The following VEGFC variants were observed in gnomAD, a reference collection of about 807,000 sequenced individuals.
VEGFC encodes FLT4 ligand DHM.
Under a neutral mutation model 46.1 loss-of-function variants are expected in VEGFC, and 12 were observed. The observed-to-expected ratio is 0.26, with a 90% CI of 0.17 to 0.42. VEGFC has a LOEUF of 0.42. Ranked by LOEUF, VEGFC falls within the 10% of genes least tolerant of loss-of-function variation. The pLI, the probability that VEGFC is intolerant of heterozygous loss-of-function variation, is 1.00. For missense variants in VEGFC, 488 were observed against 529.4 expected (o/e 0.92, Z 0.77); for synonymous variants, 232 against 195.5 (o/e 1.19, Z -1.56).
intron 1 of VEGFC, among the ~76,000 whole-genome samples, chr4:176,780,006 T>C (rs1579140174): frequency 6.6e-6 from 1 of 152,176 alleles, no homozygotes; most frequent in Non-Finnish European, 1.5e-5. Context: ...CTCTTAAACA[T>C]GTACATCTTT....
intron 1 of VEGFC, among the ~76,000 whole-genome samples, chr4:176,746,940 G>A (rs1156691426): frequency 2.6e-5 from 4 of 152,122 alleles, no homozygotes; most frequent in Non-Finnish European, 4.4e-5. Context: ...CATTGCTTGA[G>A]TGCTTCGATA....
At chr4:176,791,046 T>G (rs988961395) in intron 1 of VEGFC, among the ~76,000 whole-genome samples, 1 of 152,176 alleles carries the variant, frequency 6.6e-6, no homozygotes, top group Non-Finnish European at 1.5e-5. Flanking sequence ...AAAATTAGTC[T>G]TCTCAATCTT....
In VEGFC at chr4:176,727,805, G is replaced by A. The variant is rs1411084619; in HGVS notation, c.525C>T (p.Asn175=). The change falls in exon 3 of 7, where the codon AAC becomes AAT. Residue 175 remains asparagine, a synonymous_variant. Transcript: ENST00000618562. ...CCNSEGLQCM[N]TSTSYLSKTL... ...TCTTGCTGAGGTAGCTCGTGCTGGT[G>A]TTCATGCACTGCAGCCCCTCACTAT... 1.9e-6 allele frequency: 3 copies of A among 1,613,642 alleles called. No homozygotes were observed. In the Admixed American group the frequency reaches 5.0e-5, roughly 27 times the overall value.
At chr4:176,772,102 A>G (rs1735733882) in intron 1 of VEGFC, among the ~76,000 whole-genome samples, 1 of 152,210 alleles carries the variant, frequency 6.6e-6, no homozygotes, top group South Asian at 2.1e-4. Context: ...CAAAATTTGA[A>G]TATTTCCTGT....
chr4:176,779,747 A>T (rs1735876274), intron 1 of VEGFC, among the ~76,000 whole-genome samples: 1 of 152,218 alleles, frequency 6.6e-6, no homozygotes, highest in African/African-American at 2.4e-5. Flanking sequence ...ATAGGAAAAA[A>T]AAAAAGATAA....
chr4:176,748,003 T>G (rs1735284699), intron 1 of VEGFC, among the ~76,000 whole-genome samples: 1 of 151,940 alleles, frequency 6.6e-6, no homozygotes, highest in Non-Finnish European at 1.5e-5. Flanking sequence ...AACAAATTTT[T>G]AGAACAATTC....
At chr4:176,703,531 T>C (rs1397436220) in intron 4 of VEGFC, among the ~76,000 whole-genome samples, 2 of 152,112 alleles carry the variant, frequency 1.3e-5, no homozygotes, top group East Asian at 3.9e-4. Flanking sequence ...AAAGTACAGT[T>C]ATATAGAAGA....
Position 176,684,045 on chromosome 4 carries a change from G to A in VEGFC, c.1146-5C>T. The A allele has an allele frequency of 6.2e-7, 1 of 1,609,210 alleles. No homozygotes were observed. Among genetic ancestry groups the A allele is most frequent in the Middle Eastern group, 1.7e-4 (1 of 6,058 alleles). ...GTACATGGCCGTCTGTAACAGCTAG[G>A]AGAACAAACAAGAACACACTTACGT... On this transcript the variant is annotated splice_polypyrimidine_tract_variant and splice_region_variant and intron_variant, in intron 6 of 6. Transcript: ENST00000618562.
chr4:176,715,394 A>G (rs112453032), intron 3 of VEGFC, among the ~76,000 whole-genome samples: 3,674 of 152,246 alleles, frequency 0.024, 65 homozygotes, highest in Middle Eastern at 0.078. Flanking sequence ...TTAAAAGTAG[A>G]AAGAGTCTTG....
chr4:176,778,420 T>A (rs2110939925), intron 1 of VEGFC, among the ~76,000 whole-genome samples: 1 of 151,588 alleles, frequency 6.6e-6, no homozygotes, highest in South Asian at 2.1e-4. Context: ...AAATAGGAGC[T>A]TTTTCTAGTA....
At chr4:176,711,085 T>C (rs908720350) in intron 4 of VEGFC, among the ~76,000 whole-genome samples, 1 of 152,166 alleles carries the variant, frequency 6.6e-6, no homozygotes, top group South Asian at 2.1e-4. Context: ...AACTGAATGC[T>C]AATAGATATA....
At chr4:176,697,635 G>A (rs1298650228) in intron 4 of VEGFC, among the ~76,000 whole-genome samples, 1 of 151,474 alleles carries the variant, frequency 6.6e-6, no homozygotes, top group Non-Finnish European at 1.5e-5. Context: ...CCATTACTGG[G>A]TATATACCCA....
intron 1 of VEGFC, among the ~76,000 whole-genome samples, chr4:176,788,610 T>G (rs1018970749): frequency 2.0e-5 from 3 of 152,210 alleles, no homozygotes; most frequent in Admixed American, 2.0e-4. Flanking sequence ...CACGATCACA[T>G]GGCTGACTGG....
At chr4:176,714,942 T>C (rs913668250) in intron 3 of VEGFC, among the ~76,000 whole-genome samples, 6 of 152,174 alleles carry the variant, frequency 3.9e-5, no homozygotes, top group African/African-American at 1.4e-4. Flanking sequence ...CTGCAAGAAA[T>C]GTGTTTTTGA....
chr4:176,763,355 GA>G (rs932951517), intron 1 of VEGFC, among the ~76,000 whole-genome samples: 11 of 69,126 alleles, frequency 1.6e-4, no homozygotes, highest in African/African-American at 4.6e-4. Context: ...AAGAGAAAAT[GA>G]AAAAAAACTA....
rs1735638694 is a variant in VEGFC at position 176,767,084 on chromosome 4, A to T, written c.147+25081T>A. 9.7e-5 allele frequency among the ~76,000 whole-genome samples: 5 copies of T among 51,498 alleles called. No individual in the cohort carries two copies. In the South Asian group the frequency reaches 9.0e-3, roughly 92 times the overall value. The allele number at this position is 51,498 out of a possible 152,430, so 33.8% of individuals were successfully genotyped here. On this transcript the variant is annotated intron_variant, in intron 1 of 6. Transcript: ENST00000618562. ...ATCTGCAATACACACAGCTTTAAAA[A>T]GCCTGGCAACCAAATCATGTAAAGG...
chr4:176,718,849 C>T lies in VEGFC; in HGVS notation c.553-7199G>A, dbSNP rs1734736659. Among the ~76,000 whole-genome samples, 6 of 152,150 alleles carry T rather than the reference C, an allele frequency of 3.9e-5. No homozygotes were observed. In the South Asian group the frequency reaches 1.2e-3, roughly 32 times the overall value. On this transcript the variant is annotated intron_variant, in intron 3 of 6. Coordinates refer to ENST00000618562, the MANE Select transcript of VEGFC (RefSeq NM_005429.5). ...GTGTGCCTCAAAAGCAGATGACTTT[C>T]TTCTGCTTCTGCTTTCATCACCAAA...
chr4:176,738,578 A>T (rs1735094932), intron 1 of VEGFC, among the ~76,000 whole-genome samples: 3 of 152,102 alleles, frequency 2.0e-5, no homozygotes, highest in Admixed American at 1.3e-4. Flanking sequence ...TTTAAATGTA[A>T]AACTCAAAAC....
In VEGFC at chr4:176,757,534, T is replaced by A. The variant is rs148591751; in HGVS notation, c.148-27788A>T. On this transcript the variant is annotated intron_variant, in intron 1 of 6. Transcript: ENST00000618562. Reference sequence around the variant, plus strand: ...TAACACAATAATATTGGTACAGTCATAGATAATCAAATTCTAAAATAATTC... The same window carrying A: ...TAACACAATAATATTGGTACAGTCAAAGATAATCAAATTCTAAAATAATTC... Among the ~76,000 whole-genome samples the A allele has an allele frequency of 1.9e-3, 286 of 152,030 alleles. 1 individual carries two copies. Among genetic ancestry groups the A allele is most frequent in the African/African-American group, 6.2e-3 (259 of 41,498 alleles).
Sources: allele counts gnomAD v4.1 joint callset (sites outside exome capture counted in the v4.1 genomes callset), GRCh38; gene constraint gnomAD v4.1.1; transcripts MANE v1.5; gene names NCBI Gene and HGNC (gene_info 2026-07-23, HGNC 2026-07-21).